The following TAFA4 variants were observed in gnomAD, a reference collection of about 807,000 sequenced individuals.
TAFA4 encodes chemokine-like protein TAFA-4.
TAFA4 carries 20 observed loss-of-function variants against 21.1 expected under a neutral mutation model. The observed-to-expected ratio is 0.95, with a 90% CI of 0.67 to 1.38. The LOEUF is 1.38. Among genes scored for constraint, TAFA4 ranks in the 40% most tolerant of loss-of-function variants. The pLI is 0.00. For missense variants in TAFA4, 211 were observed against 180.9 expected, an observed-to-expected ratio of 1.17 and a Z score of -0.95; for synonymous variants, 71 against 67.4, an observed-to-expected ratio of 1.05 and a Z score of -0.26.
At chr3:68,898,100 G>A (rs549128324) in intron 1 of TAFA4, among the ~76,000 whole-genome samples, 236 of 152,240 alleles carry the variant, frequency 1.6e-3, no homozygotes, top group African/African-American at 5.4e-3. Context: ...GCTGGAGAAG[G>A]ACAAGGTGAA....
intron 3 of TAFA4, among the ~76,000 whole-genome samples, chr3:68,773,295 A>G (rs956862216): frequency 1.3e-5 from 2 of 152,180 alleles, no homozygotes; most frequent in Non-Finnish European, 2.9e-5. Context: ...CCATTTTATT[A>G]TAAAAGATAC....
chr3:68,882,528 C>G (rs2089630163), intron 2 of TAFA4, among the ~76,000 whole-genome samples: 1 of 152,182 alleles, frequency 6.6e-6, no homozygotes, highest in Admixed American at 6.5e-5. Context: ...TGGGCCCAAC[C>G]AGCCCAACTC....
chr3:68,866,629 C>A (rs2089421819), intron 3 of TAFA4, among the ~76,000 whole-genome samples: 1 of 76,056 alleles, frequency 1.3e-5, no homozygotes. Flanking sequence ...GCTCTCAGAT[C>A]AAGGATTCAA....
intron 3 of TAFA4, among the ~76,000 whole-genome samples, chr3:68,765,057 T>TA (rs537684709): frequency 9.2e-4 from 139 of 150,902 alleles, no homozygotes; most frequent in Non-Finnish European, 1.1e-3. Context: ...AAAGAACTGT[T>TA]AAAAAAAACT....
intron 3 of TAFA4, among the ~76,000 whole-genome samples, chr3:68,788,953 G>A (rs1453606391): frequency 2.0e-5 from 3 of 152,062 alleles, no homozygotes; most frequent in Non-Finnish European, 4.4e-5. Flanking sequence ...ATCCATTTGG[G>A]CCTGGTGTGG....
chr3:68,900,190 C>T (rs550729477), intron 1 of TAFA4, among the ~76,000 whole-genome samples: 2 of 149,130 alleles, frequency 1.3e-5, no homozygotes, highest in African/African-American at 2.5e-5. Flanking sequence ...TGCAGTAAGC[C>T]GAGATTGCAC....
chr3:68,764,382 A>G (rs1282470541), intron 3 of TAFA4, among the ~76,000 whole-genome samples: 1 of 152,180 alleles, frequency 6.6e-6, no homozygotes, highest in Non-Finnish European at 1.5e-5. Flanking sequence ...CTAGAACTAT[A>G]ACAAAATAAA....
In TAFA4 at chr3:68,841,337, T is replaced by TA. The variant is rs1294113690; in HGVS notation, c.130+39392dup. ...GACTCCGTCTCAAAAAAAAAAAAAA[T>TA]AAAAAAAAATAAAATCCACACACAT... On this transcript the variant is annotated intron_variant, in intron 3 of 5. Transcript: ENST00000295569. 4.3e-5 allele frequency among the ~76,000 whole-genome samples: 6 copies of TA among 138,718 alleles called. 2 individuals are homozygous for TA. The highest frequency in any genetic ancestry group is 3.6e-3 in the Middle Eastern group (1 of 276). 91.0% of individuals were successfully genotyped at this position (138,718 alleles called of 152,430 possible).
At chr3:68,746,178 G>A (rs1048469460) in intron 4 of TAFA4, among the ~76,000 whole-genome samples, 1 of 152,104 alleles carries the variant, frequency 6.6e-6, no homozygotes, top group African/African-American at 2.4e-5. Flanking sequence ...TCAGCCATGG[G>A]CTGAAGGCTG....
intron 1 of TAFA4, among the ~76,000 whole-genome samples, chr3:68,907,205 T>C (rs1161525737): frequency 5.3e-5 from 8 of 152,074 alleles, no homozygotes; most frequent in African/African-American, 1.4e-4. Context: ...TTTGGAGAAA[T>C]TGATTCTCTG....
rs902777085 is a variant in TAFA4, at chr3:68,932,432, A to G, written c.-315T>C. On this transcript the variant is annotated 5_prime_UTR_variant, in exon 1 of 6. Coordinates refer to ENST00000295569, the MANE Select transcript of TAFA4 (RefSeq NM_182522.5). ...AGGAGAAGCCCGAAGCTCCTGCGGG[A>G]GAAGCCTGAAGCTGCTGCTGGAGAA... 3 of 152,362 alleles carry G rather than the reference A, an allele frequency of 2.0e-5. No homozygotes were observed. Among genetic ancestry groups the G allele is most frequent in the African/African-American group, 7.2e-5 (3 of 41,464 alleles). The allele number at this position is 152,362 out of a possible 1,614,324, so 9.4% of individuals were successfully genotyped here.
chr3:68,860,399 C>A (rs1438022608), intron 3 of TAFA4, among the ~76,000 whole-genome samples: 1 of 151,974 alleles, frequency 6.6e-6, no homozygotes, highest in Admixed American at 6.6e-5. Flanking sequence ...CATTTAAAAC[C>A]ACAGCGGACT....
chr3:68,819,818 G>A (rs762647470), intron 3 of TAFA4, among the ~76,000 whole-genome samples: 3 of 152,144 alleles, frequency 2.0e-5, no homozygotes, highest in Admixed American at 1.3e-4. Flanking sequence ...AAAAGGGAAC[G>A]CTTACACACT....
intron 3 of TAFA4, among the ~76,000 whole-genome samples, chr3:68,762,713 A>G (rs1702779188): frequency 6.6e-6 from 1 of 152,222 alleles, no homozygotes; most frequent in African/African-American, 2.4e-5. Flanking sequence ...TGCAAATATT[A>G]CAAAAGATGA....
intron 3 of TAFA4, among the ~76,000 whole-genome samples, chr3:68,787,980 G>A (rs1233383949): frequency 6.6e-6 from 1 of 152,150 alleles, no homozygotes; most frequent in Non-Finnish European, 1.5e-5. Context: ...AGTGTGTCCG[G>A]CAAAATTGGA....
At position 68,880,705 on chromosome 3, in the gene TAFA4, T is replaced by A. The variant is rs771764731; in HGVS notation, c.130+25A>T. The A allele has an allele frequency of 3.1e-6, 5 of 1,592,824 alleles. No homozygotes were observed. In the Admixed American group the frequency reaches 8.3e-5, roughly 27 times the overall value. On this transcript the variant is annotated intron_variant, in intron 3 of 5. Transcript: ENST00000295569. The stretch of plus-strand genomic sequence containing the variant: ...TGGAGGGGTTTTATTATCTCAGCAG[T>A]GCATAATGAGCTTAAAGGGCTTACC...
chr3:68,733,043 TCCTAGACAA>T lies in TAFA4; in HGVS notation c.*90_*98del. 1.3e-6 allele frequency: 2 copies of T among 1,530,706 alleles called. No homozygotes were observed. Among genetic ancestry groups the T allele is most frequent in the Non-Finnish European group, 1.8e-6 (2 of 1,116,594 alleles). The allele number at this position is 1,530,706 out of a possible 1,614,324, so 94.8% of individuals were successfully genotyped here. On this transcript the variant is annotated 3_prime_UTR_variant, in exon 6 of 6. Coordinates refer to ENST00000295569, the MANE Select transcript of TAFA4 (RefSeq NM_182522.5). ...ATATACAAATATGAAGTTGCTGAAA[TCCTAGACAA>T]TTTTCTGCAAAGGGGCCATGATGGG...
At chr3:68,909,766 T>C (rs570746420) in intron 1 of TAFA4, among the ~76,000 whole-genome samples, 1 of 152,368 alleles carries the variant, frequency 6.6e-6, no homozygotes, top group South Asian at 2.1e-4. Context: ...TAATGGATTA[T>C]ATGCACTTAG....
chr3:68,756,208 C>T (rs989458078), intron 3 of TAFA4, among the ~76,000 whole-genome samples: 1 of 152,142 alleles, frequency 6.6e-6, no homozygotes, highest in African/African-American at 2.4e-5. Flanking sequence ...ACTAATACAC[C>T]AACTCTGGCT....
Sources: gnomAD v4.1 joint callset for allele counts (sites outside exome capture counted in the v4.1 genomes callset) on GRCh38, gnomAD v4.1.1 for gene constraint, MANE v1.5 for transcripts, NCBI Gene and HGNC (gene_info 2026-07-23, HGNC 2026-07-21) for gene names.